The following CNTNAP2 variants were observed in gnomAD, a reference collection of about 807,000 sequenced individuals.
CNTNAP2 encodes contactin-associated protein-like 2.
CNTNAP2 carries 98 observed loss-of-function variants against 155.2 expected under a neutral mutation model. The observed-to-expected ratio is 0.63, with a 90% CI of 0.54 to 0.75. The LOEUF is 0.75. Among genes scored for constraint, CNTNAP2 ranks in the 30% least tolerant of loss-of-function variants. The pLI, the probability that CNTNAP2 is intolerant of heterozygous loss-of-function variation, is 0.00. For missense variants in CNTNAP2, 1,727 were observed against 1,688.1 expected, an observed-to-expected ratio of 1.02 and a Z score of -0.40; for synonymous variants, 651 against 631.2, an observed-to-expected ratio of 1.03 and a Z score of -0.47.
At chr7:146,346,566 C>T (rs1794821808) in intron 1 of CNTNAP2, among the ~76,000 whole-genome samples, 1 of 152,116 alleles carries the variant, frequency 6.6e-6, no homozygotes, top group South Asian at 2.1e-4. Context: ...CCTGTAATCC[C>T]AGCTACTCAG....
At chr7:146,748,143 CTTT>C (rs61495352) in intron 1 of CNTNAP2, among the ~76,000 whole-genome samples, 3 of 97,996 alleles carry the variant, frequency 3.1e-5, no homozygotes, top group Admixed American at 1.1e-4. Flanking sequence ...CTTTTCTTTT[CTTT>C]TTTTTTTTTT....
chr7:146,932,110 C>T (rs1198102614), intron 3 of CNTNAP2, among the ~76,000 whole-genome samples: 1 of 151,910 alleles, frequency 6.6e-6, no homozygotes, highest in African/African-American at 2.4e-5. Context: ...ATCCTGATAC[C>T]AAAGCCTGGC....
At chr7:147,662,318 T>C (rs1312448873) in intron 13 of CNTNAP2, among the ~76,000 whole-genome samples, 1 of 152,220 alleles carries the variant, frequency 6.6e-6, no homozygotes, top group African/African-American at 2.4e-5. Flanking sequence ...AGGAATCATT[T>C]AGACTATGAT....
At chr7:146,693,496 A>G (rs913589978) in intron 1 of CNTNAP2, among the ~76,000 whole-genome samples, 3 of 152,096 alleles carry the variant, frequency 2.0e-5, no homozygotes, top group Admixed American at 1.3e-4. Flanking sequence ...TTGAGACATT[A>G]ATAGTAAAAT....
At chr7:146,290,200 GT>G in intron 1 of CNTNAP2, among the ~76,000 whole-genome samples, 1 of 152,246 alleles carries the variant, frequency 6.6e-6, no homozygotes, top group Admixed American at 6.5e-5. Flanking sequence ...CCTGAACAAT[GT>G]AGGGCAACAC....
At chr7:147,157,424 T>A (rs1217559056) in intron 8 of CNTNAP2, among the ~76,000 whole-genome samples, 2 of 152,058 alleles carry the variant, frequency 1.3e-5, no homozygotes, top group African/African-American at 4.8e-5. Flanking sequence ...AATATAACTG[T>A]TTTTGCAAAG....
intron 1 of CNTNAP2, among the ~76,000 whole-genome samples, chr7:146,674,233 G>A (rs1800357228): frequency 6.6e-6 from 1 of 152,144 alleles, no homozygotes; most frequent in African/African-American, 2.4e-5. Context: ...AACTGCCTTA[G>A]AGAGTTTAAT....
intron 1 of CNTNAP2, among the ~76,000 whole-genome samples, chr7:146,284,090 C>CACTAT (rs1366676910): frequency 6.6e-6 from 1 of 152,016 alleles, no homozygotes; most frequent in Non-Finnish European, 1.5e-5. Context: ...TGAATTCATC[C>CACTAT]ACTATTGTTA....
chr7:146,759,242 A>G (rs904777674), intron 1 of CNTNAP2, among the ~76,000 whole-genome samples: 2 of 152,166 alleles, frequency 1.3e-5, no homozygotes, highest in African/African-American at 4.8e-5. Context: ...CCAGATGCCC[A>G]GAGCATTTCT....
chr7:146,553,500 T>G (rs1442453610), intron 1 of CNTNAP2, among the ~76,000 whole-genome samples: 1 of 152,078 alleles, frequency 6.6e-6, no homozygotes, highest in African/African-American at 2.4e-5. Flanking sequence ...CTATAATTCA[T>G]CCTAATTATT....
intron 11 of CNTNAP2, among the ~76,000 whole-genome samples, chr7:147,514,885 C>T (rs1799091166): frequency 1.3e-5 from 2 of 152,136 alleles, no homozygotes; most frequent in South Asian, 2.1e-4. Flanking sequence ...CTGCCTTAGT[C>T]GACCTACTTT....
chr7:148,342,390 G>A (rs1179423318), intron 21 of CNTNAP2, among the ~76,000 whole-genome samples: 1 of 152,128 alleles, frequency 6.6e-6, no homozygotes. Flanking sequence ...AAAAAAAAAT[G>A]CCTTAATATT....
intron 9 of CNTNAP2, 112 bp from the exon 10 acceptor site, chr7:147,395,497 A>T: frequency 9.5e-7 from 1 of 1,048,584 alleles, no homozygotes; most frequent in Non-Finnish European, 1.5e-6. Context: ...AGCAAGGATT[A>T]AAGAAACAGT....
chr7:146,175,125 T>G (rs1420087662), intron 1 of CNTNAP2, among the ~76,000 whole-genome samples: 1 of 152,106 alleles, frequency 6.6e-6, no homozygotes, highest in Non-Finnish European at 1.5e-5. Context: ...GTATCCAGAT[T>G]GTTAAGGAAG....
At chr7:147,472,854 A>AC (rs1798249344) in intron 10 of CNTNAP2, among the ~76,000 whole-genome samples, 1 of 152,206 alleles carries the variant, frequency 6.6e-6, no homozygotes, top group African/African-American at 2.4e-5. Context: ...ATGTTTGATC[A>AC]TATTCACCCA....
chr7:147,700,131 G>T (rs767805877), intron 13 of CNTNAP2, among the ~76,000 whole-genome samples: 2 of 152,068 alleles, frequency 1.3e-5, no homozygotes, highest in East Asian at 1.9e-4. Flanking sequence ...CCTAAGTGGG[G>T]CTGAAATTTT....
At chr7:147,253,010 A>G (rs1334127479) in intron 8 of CNTNAP2, among the ~76,000 whole-genome samples, 1 of 152,168 alleles carries the variant, frequency 6.6e-6, no homozygotes, top group Non-Finnish European at 1.5e-5. Flanking sequence ...TGATTCTCCA[A>G]AAATAAGGTT....
In CNTNAP2 at chr7:147,095,871, C is replaced by CAA. The variant is rs1178171400; in HGVS notation, c.551-12276_551-12275insAA. On this transcript the variant is annotated intron_variant, in intron 4 of 23. Coordinates refer to ENST00000361727, the MANE Select transcript of CNTNAP2 (RefSeq NM_014141.6). ...GTGGAGGTTCTTGTTCCTATGAAGCCCACCCTTCCCTTTAGCAGCAGCAAC... is the reference window on the plus strand; with the variant it reads ...GTGGAGGTTCTTGTTCCTATGAAGCCAACACCCTTCCCTTTAGCAGCAGCAAC... Among the ~76,000 whole-genome samples the CAA allele has an allele frequency of 1.6e-4, 25 of 151,946 alleles. 1 individual carries two copies. Among genetic ancestry groups the CAA allele is most frequent in the Non-Finnish European group, 3.7e-4 (25 of 67,998 alleles).
intron 9 of CNTNAP2, among the ~76,000 whole-genome samples, chr7:147,343,995 C>A (rs541575183): frequency 5.9e-5 from 9 of 152,262 alleles, no homozygotes; most frequent in Middle Eastern, 6.8e-3. Context: ...ATCACATGTT[C>A]TCTCATTTAC....
Sources: allele counts gnomAD v4.1 joint callset (sites outside exome capture counted in the v4.1 genomes callset), GRCh38; gene constraint gnomAD v4.1.1; transcripts MANE v1.5; gene names NCBI Gene and HGNC (gene_info 2026-07-23, HGNC 2026-07-21).